YPEL2: variants seen among roughly 807,000 people sequenced by gnomAD.
YPEL2 encodes protein yippee-like 2.
In YPEL2, 2 loss-of-function variants were observed where a neutral mutation model predicts 19.1. The ratio of observed to expected loss-of-function variants is 0.10; its 90% CI spans 0.04 to 0.33. The LOEUF (loss-of-function observed/expected upper bound fraction) is 0.33. Ranked by LOEUF, YPEL2 falls within the 10% of genes least tolerant of loss-of-function variation. YPEL2 has a pLI of 1.00. For missense variants in YPEL2, 66 were observed against 140.7 expected, an observed-to-expected ratio of 0.47 and a Z score of 2.68; for synonymous variants, 52 against 50.0, an observed-to-expected ratio of 1.04 and a Z score of -0.17.
At chr17:59,344,063 G>A (rs1259654424) in intron 1 of YPEL2, among the ~76,000 whole-genome samples, 1 of 152,174 alleles carries the variant, frequency 6.6e-6, no homozygotes, top group African/African-American at 2.4e-5. Flanking sequence ...AGCAGGAACA[G>A]AATTGGAATG....
intron 2 of YPEL2, among the ~76,000 whole-genome samples, chr17:59,370,913 G>A (rs193254822): frequency 5.6e-4 from 86 of 152,346 alleles, no homozygotes; most frequent in Middle Eastern, 3.4e-3. Flanking sequence ...GTCAGGGGGA[G>A]TGACCCTGTG....
At chr17:59,350,180 C>T (rs1033979807) in intron 1 of YPEL2, among the ~76,000 whole-genome samples, 3 of 152,082 alleles carry the variant, frequency 2.0e-5, no homozygotes, top group African/African-American at 7.2e-5. Flanking sequence ...AAGTAATCCT[C>T]TGGCCTCAGC....
chr17:59,365,903 G>GA (rs1305118261), intron 2 of YPEL2, among the ~76,000 whole-genome samples: 1 of 152,122 alleles, frequency 6.6e-6, no homozygotes, highest in Non-Finnish European at 1.5e-5. Context: ...CTCCCCTCCA[G>GA]ACTACAGTGA....
At chr17:59,344,087 T>A (rs936523548) in intron 1 of YPEL2, among the ~76,000 whole-genome samples, 3 of 151,502 alleles carry the variant, frequency 2.0e-5, no homozygotes, top group Non-Finnish European at 2.9e-5. Flanking sequence ...GTGACAGGAG[T>A]CTCACTACAT....
intron 1 of YPEL2, among the ~76,000 whole-genome samples, chr17:59,339,730 CTA>C (rs1422727334): frequency 6.6e-6 from 1 of 152,084 alleles, no homozygotes; most frequent in Non-Finnish European, 1.5e-5. Context: ...TTGGTCCTCT[CTA>C]ATTGTGTGAT....
intron 2 of YPEL2, chr17:59,366,041 C>G (rs1205920535): frequency 1.3e-5 from 2 of 152,796 alleles, no homozygotes; most frequent in East Asian, 3.9e-4. Flanking sequence ...CCCAGGAGCT[C>G]CTTTTCCTTC....
chr17:59,372,407 T>G (rs1358478641), intron 2 of YPEL2, among the ~76,000 whole-genome samples: 2 of 152,196 alleles, frequency 1.3e-5, no homozygotes, highest in Non-Finnish European at 2.9e-5. Flanking sequence ...AAAGACTCCT[T>G]AGCTGGTTGC....
Position 59,373,110 on chromosome 17 carries a change from A to G in YPEL2, c.118-15217A>G, listed in dbSNP as rs1598043688. 1.3e-5 allele frequency among the ~76,000 whole-genome samples: 2 copies of G among 152,142 alleles called. 1 individual carries two copies. Among genetic ancestry groups the G allele is most frequent in the Non-Finnish European group, 2.9e-5 (2 of 67,988 alleles). ...TGGTCTTGAACTGACCTCGTGATCC[A>G]CCTGCCTCAGCCTCCCAAAGTGCTG... On this transcript the variant is annotated intron_variant, in intron 2 of 4. Coordinates refer to ENST00000312655, the MANE Select transcript of YPEL2 (RefSeq NM_001005404.4).
At chr17:59,342,013 T>C (rs977944755) in intron 1 of YPEL2, among the ~76,000 whole-genome samples, 2 of 152,250 alleles carry the variant, frequency 1.3e-5, no homozygotes, top group African/African-American at 4.8e-5. Flanking sequence ...CTTCCCTTTT[T>C]TGCTCTTCAG....
chr17:59,348,262 T>C (rs2147937828), intron 1 of YPEL2, among the ~76,000 whole-genome samples: 1 of 152,360 alleles, frequency 6.6e-6, no homozygotes, highest in East Asian at 1.9e-4. Flanking sequence ...CCTTGTCTCA[T>C]GTCTGGAGGA....
chr17:59,384,242 A>G (rs1334916877), intron 2 of YPEL2, among the ~76,000 whole-genome samples: 3 of 152,224 alleles, frequency 2.0e-5, no homozygotes, highest in African/African-American at 7.2e-5. Context: ...TTCTAACACA[A>G]GGTCACAAAG....
chr17:59,389,020 C>A, intron 3 of YPEL2: 1 of 332,388 alleles, frequency 3.0e-6, no homozygotes, highest in Non-Finnish European at 5.8e-6. Flanking sequence ...GCTGTGAGGA[C>A]CTGTGCCCAT....
intron 1 of YPEL2, among the ~76,000 whole-genome samples, chr17:59,352,962 G>C (rs2047794789): frequency 6.6e-6 from 1 of 152,168 alleles, no homozygotes; most frequent in Admixed American, 6.5e-5. Context: ...TGATGATAAT[G>C]TGTGTGCTGG....
chr17:59,338,007 C>T (rs754335123), intron 1 of YPEL2, among the ~76,000 whole-genome samples: 65 of 152,190 alleles, frequency 4.3e-4, no homozygotes, highest in Non-Finnish European at 7.8e-4. Context: ...CTCTCTGAAA[C>T]GAGACAGAGC....
chr17:59,338,460 C>T (rs556515291), intron 1 of YPEL2, among the ~76,000 whole-genome samples: 3 of 152,154 alleles, frequency 2.0e-5, no homozygotes, highest in African/African-American at 4.8e-5. Context: ...AGTGTAGGCA[C>T]GGAACAGATC....
Position 59,353,797 on chromosome 17 carries a change from G to A in YPEL2, c.117+271G>A, listed in dbSNP as rs1187220199. On this transcript the variant is annotated intron_variant, in intron 2 of 4. Coordinates refer to ENST00000312655, the MANE Select transcript of YPEL2 (RefSeq NM_001005404.4). The surrounding 1 kb of genome is among the most constrained non-coding windows in gnomAD (Gnocchi z 4.8). ...CAAGCCAGAGAAGGGAGGGGCTGGG[G>A]ATTGATGGGAGCCTTGTTCTCAGCT... is the stretch of plus-strand genomic sequence containing the variant. 9 of 427,310 alleles carry A rather than the reference G, an allele frequency of 2.1e-5. No individual in the cohort carries two copies. The highest frequency in any genetic ancestry group is 4.0e-5 in the Non-Finnish European group (9 of 225,318). The allele number at this position is 427,310 out of a possible 1,614,324, so 26.5% of individuals were successfully genotyped here.
In YPEL2 at chr17:59,353,564, G is replaced by A; in HGVS notation, c.117+38G>A. The A allele has an allele frequency of 2.0e-6, 3 of 1,508,524 alleles. No homozygotes were observed. Among genetic ancestry groups the A allele is most frequent in the Non-Finnish European group, 2.8e-6 (3 of 1,084,280 alleles). The allele number at this position is 1,508,524 out of a possible 1,614,324, so 93.4% of individuals were successfully genotyped here. A position where few individuals can be genotyped will look rare whatever the true frequency, so the allele number is the denominator to read the frequency against. The stretch of plus-strand genomic sequence containing the variant: ...AGCAGGCCTTCCTTGCCTACCCCGG[G>A]GAGGGCGCTTAGTGCTCCTGAAGTT... On this transcript the variant is annotated intron_variant, in intron 2 of 4. Coordinates refer to ENST00000312655, the MANE Select transcript of YPEL2 (RefSeq NM_001005404.4). The surrounding 1 kb of genome is among the most constrained non-coding windows in gnomAD (Gnocchi z 4.8).
chr17:59,361,152 G>A (rs371037027), intron 2 of YPEL2, among the ~76,000 whole-genome samples: 3 of 152,096 alleles, frequency 2.0e-5, no homozygotes, highest in African/African-American at 7.2e-5. Context: ...TGTATAGCAC[G>A]GTTGGTCCAC....
chr17:59,366,891 G>T (rs933395488), intron 2 of YPEL2, among the ~76,000 whole-genome samples: 12 of 152,352 alleles, frequency 7.9e-5, no homozygotes, highest in African/African-American at 2.4e-4. Context: ...AACACAAAGT[G>T]TGTCTGTGTG....
Sources: gnomAD v4.1 joint callset for allele counts (sites outside exome capture counted in the v4.1 genomes callset) on GRCh38, gnomAD v4.1.1 for gene constraint, Gnocchi (gnomAD v3.1) non-coding constraint, MANE v1.5 for transcripts, NCBI Gene and HGNC (gene_info 2026-07-23, HGNC 2026-07-21) for gene names.